Variants in KCNIP1 observed in about 807,000 individuals in gnomAD.
KCNIP1 encodes the protein A-type potassium channel modulatory protein KCNIP1.
In KCNIP1, 18 loss-of-function variants were observed where a neutral mutation model predicts 33.0. The ratio of observed to expected loss-of-function variants is 0.55; its 90% confidence interval spans 0.38 to 0.81. KCNIP1 has a LOEUF of 0.81. Ranked by LOEUF, KCNIP1 falls within the 30% of genes least tolerant of loss-of-function variation. The probability of loss-of-function intolerance (pLI) is 0.00; values close to 1 mark genes in which losing one functional copy is unlikely to be tolerated. For synonymous variants in KCNIP1, 93 were observed against 98.3 expected (o/e 0.95, Z 0.32); for missense variants, 238 against 271.6 (o/e 0.88, Z 0.87).
intron 1 of KCNIP1, among the ~76,000 whole-genome samples, chr5:170,390,517 A>AAAAAAAAAAAAAAATATATATATATATAT: frequency 2.7e-5 from 2 of 74,546 alleles, no homozygotes; most frequent in Non-Finnish European, 2.5e-5. Context: ...AAAAAAAACA[A>AAAAAAAAAAAAAAATATATATATATATAT]ATATATATAT....
chr5:170,552,090 GTAGA>G (rs1455834042), intron 1 of KCNIP1, among the ~76,000 whole-genome samples: 1 of 152,038 alleles, frequency 6.6e-6, no homozygotes, highest in African/African-American at 2.4e-5. Context: ...CCCCTACTGC[GTAGA>G]TCGAGGATGC....
At chr5:170,572,955 C>T (rs1424228088) in intron 1 of KCNIP1, among the ~76,000 whole-genome samples, 3 of 152,180 alleles carry the variant, frequency 2.0e-5, no homozygotes, top group Admixed American at 6.5e-5. Context: ...CTCATAACAC[C>T]CACTGTTATA....
intron 1 of KCNIP1, among the ~76,000 whole-genome samples, chr5:170,518,251 C>T (rs957149007): frequency 6.6e-6 from 1 of 152,132 alleles, no homozygotes; most frequent in African/African-American, 2.4e-5. Context: ...TTAAGGCAAT[C>T]ATTCCCTTTG....
At chr5:170,714,836 A>C (rs1036524257) in intron 1 of KCNIP1, among the ~76,000 whole-genome samples, 39 of 152,326 alleles carry the variant, frequency 2.6e-4, no homozygotes, top group African/African-American at 9.4e-4. Flanking sequence ...TTGAAAAAAA[A>C]CCAAATAGTT....
intron 1 of KCNIP1, among the ~76,000 whole-genome samples, chr5:170,702,543 G>T (rs1269821272): frequency 1.3e-5 from 2 of 152,178 alleles, no homozygotes; most frequent in Non-Finnish European, 2.9e-5. Flanking sequence ...AAACTGTTTG[G>T]TGTCTTCCCT....
In KCNIP1 at chr5:170,374,745, G is replaced by A. The variant is rs778557579; in HGVS notation, c.88+20781G>A. The stretch of plus-strand genomic sequence containing the variant: ...GGCAGATATTATTGCAAAAAAACAC[G>A]TAGGCACAGGGTCTAACTCCATCAT... On this transcript the variant is annotated intron_variant, in intron 1 of 7. Coordinates refer to the KCNIP1 transcript ENST00000377360. 9 of 152,264 alleles carry A rather than the reference G, an allele frequency of 5.9e-5. No individual in the cohort carries two copies. In the South Asian group the frequency reaches 6.2e-4, roughly 11 times the overall value. 9.4% of individuals were successfully genotyped at this position (152,264 alleles called of 1,614,324 possible). A position where few individuals can be genotyped will look rare whatever the true frequency, so the allele number is the denominator to read the frequency against.
chr5:170,521,877 A>C (rs530511491), intron 1 of KCNIP1, among the ~76,000 whole-genome samples: 2 of 152,354 alleles, frequency 1.3e-5, no homozygotes, highest in Admixed American at 1.3e-4. Context: ...TTGATGGGCC[A>C]GTAGCCTTCT....
intron 1 of KCNIP1, among the ~76,000 whole-genome samples, chr5:170,439,475 G>C (rs888682230): frequency 7.3e-6 from 1 of 137,208 alleles, no homozygotes; most frequent in Non-Finnish European, 1.6e-5. Flanking sequence ...CTGGCACAAT[G>C]TGGGGGACGG....
chr5:170,357,376 G>A (rs548874301), intron 1 of KCNIP1, among the ~76,000 whole-genome samples: 2 of 152,312 alleles, frequency 1.3e-5, no homozygotes, highest in South Asian at 4.1e-4. Flanking sequence ...TATGACTTCT[G>A]TTATTAGCGG....
chr5:170,698,546 A>G (rs879049210), intron 1 of KCNIP1, among the ~76,000 whole-genome samples: 6 of 152,142 alleles, frequency 3.9e-5, no homozygotes, highest in Admixed American at 2.6e-4. Flanking sequence ...GATAGTGCAC[A>G]TGAAGCCCTA....
intron 1 of KCNIP1, among the ~76,000 whole-genome samples, chr5:170,625,172 C>G (rs1225331244): frequency 2.0e-5 from 3 of 152,164 alleles, no homozygotes; most frequent in Non-Finnish European, 4.4e-5. Context: ...CCCCTTAAAC[C>G]TGCTCACCTT....
Position 170,489,924 on chromosome 5 carries a change from T to C in KCNIP1, c.88+135960T>C, listed in dbSNP as rs1757172684. Among the ~76,000 whole-genome samples the C allele has an allele frequency of 6.6e-6, 1 of 152,162 alleles. No individual in the cohort carries two copies. The highest frequency in any genetic ancestry group is 2.4e-5 in the African/African-American group (1 of 41,454). ...GCAGGCGGCCCTGGGATATCTGCCA[T>C]GTGCAGGGAATAATGAGCCTGGCAG... On this transcript the variant is annotated intron_variant, in intron 1 of 7. Coordinates refer to the KCNIP1 transcript ENST00000377360. The surrounding 1 kb of genome is among the most constrained non-coding windows in gnomAD (Gnocchi z 4.3).
chr5:170,390,497 C>T lies in KCNIP1; in HGVS notation c.88+36533C>T, dbSNP rs770215372. ...CTCTAGCCTGAACAGAGCGAGACCCCGTCTCAAAAAAAAAAAACAAATATA... is the reference window on the plus strand; with the variant it reads ...CTCTAGCCTGAACAGAGCGAGACCCTGTCTCAAAAAAAAAAAACAAATATA... On this transcript the variant is annotated intron_variant, in intron 1 of 7. Transcript: ENST00000377360. Among the ~76,000 whole-genome samples the T allele has an allele frequency of 2.7e-3, 184 of 68,868 alleles. 1 individual carries two copies. The highest frequency in any genetic ancestry group is 0.021 in the Middle Eastern group (3 of 140). The allele number at this position is 68,868 out of a possible 152,430, so 45.2% of individuals were successfully genotyped here. A position where few individuals can be genotyped will look rare whatever the true frequency, so the allele number is the denominator to read the frequency against.
At chr5:170,410,541 G>A (rs1755159131) in intron 1 of KCNIP1, among the ~76,000 whole-genome samples, 1 of 151,672 alleles carries the variant, frequency 6.6e-6, no homozygotes, top group African/African-American at 2.4e-5. Context: ...TTCTGTTTTG[G>A]ACCAATTAAA....
intron 1 of KCNIP1, among the ~76,000 whole-genome samples, chr5:170,650,374 C>T (rs1371869657): frequency 1.3e-5 from 2 of 152,054 alleles, no homozygotes; most frequent in Non-Finnish European, 2.9e-5. Flanking sequence ...ATCTGCTTCC[C>T]GTCAGTAGAG....
At position 170,354,225 on chromosome 5, in the gene KCNIP1, C is replaced by T. The variant is rs962800180; in HGVS notation, c.88+261C>T. On this transcript the variant is annotated intron_variant, in intron 1 of 7. Transcript: ENST00000377360. ...TGGTGTGTGGCTGATACGTTATGGG[C>T]GGGCAGAGGGATAGAACCCTTTCCA... is the stretch of plus-strand genomic sequence containing the variant. 1.7e-4 allele frequency among the ~76,000 whole-genome samples: 26 copies of T among 152,210 alleles called. 1 individual carries two copies. Among genetic ancestry groups the T allele is most frequent in the South Asian group, 8.3e-4 (4 of 4,824 alleles).
intron 1 of KCNIP1, chr5:170,422,013 T>C (rs1755506038): frequency 6.6e-6 from 1 of 151,376 alleles, no homozygotes; most frequent in Non-Finnish European, 1.5e-5. Context: ...GGGAGAAGAA[T>C]CCACTGGGAC....
chr5:170,522,805 G>A (rs555538852), intron 1 of KCNIP1, among the ~76,000 whole-genome samples: 18 of 152,366 alleles, frequency 1.2e-4, no homozygotes, highest in African/African-American at 4.3e-4. Flanking sequence ...CTGTAAGGAA[G>A]AGTACAGCAG....
intron 1 of KCNIP1, chr5:170,422,233 A>C (rs2113430371): frequency 6.6e-6 from 1 of 152,324 alleles, no homozygotes; most frequent in Non-Finnish European, 1.5e-5. Flanking sequence ...TGTAAAACCA[A>C]GCATTTGAGG....
Sources: gnomAD v4.1 joint callset for allele counts (sites outside exome capture counted in the v4.1 genomes callset) on GRCh38, gnomAD v4.1.1 for gene constraint, Gnocchi (gnomAD v3.1) non-coding constraint, MANE v1.5 for transcripts, NCBI Gene and HGNC (gene_info 2026-07-23, HGNC 2026-07-21) for gene names.